ZNF503: variants seen among roughly 807,000 people sequenced by gnomAD.
The protein encoded by ZNF503 is zinc finger protein 503.
In ZNF503, 15 loss-of-function variants were observed where a neutral mutation model predicts 34.4. That is an observed-to-expected ratio of 0.44 (90% CI 0.29 to 0.67). The LOEUF is 0.67. Ranked by LOEUF, ZNF503 falls within the 30% of genes least tolerant of loss-of-function variation. The pLI is 0.13. For missense variants in ZNF503, 1,007 were observed against 926.8 expected (o/e 1.09, Z -1.12); for synonymous variants, 580 against 456.8 (o/e 1.27, Z -3.44).
chr10:75,348,584 T>C, the ZNF503 span, among the ~76,000 whole-genome samples: 1 of 140,902 alleles, frequency 7.1e-6, no homozygotes, highest in African/African-American at 2.7e-5. Context: ...CAATCTCAGC[T>C]CACTGCAAGC....
At chr10:75,320,775 TA>T in the ZNF503 span, among the ~76,000 whole-genome samples, 2 of 152,240 alleles carry the variant, frequency 1.3e-5, no homozygotes, top group Non-Finnish European at 2.9e-5. Context: ...GAAAATCAAT[TA>T]ATCAATGTGA....
chr10:75,298,477 A>G, the ZNF503 span, among the ~76,000 whole-genome samples: 20 of 152,210 alleles, frequency 1.3e-4, no homozygotes, highest in African/African-American at 4.8e-4. Context: ...GGCTTCTTTC[A>G]CTCAGTATAA....
chr10:75,294,702 G>C, the ZNF503 span, among the ~76,000 whole-genome samples: 1 of 150,550 alleles, frequency 6.6e-6, no homozygotes, highest in Non-Finnish European at 1.5e-5. Context: ...AGCGGAGCGG[G>C]GAAGGAAGAG....
the ZNF503 span, among the ~76,000 whole-genome samples, chr10:75,347,368 T>C: frequency 7.0e-6 from 1 of 143,714 alleles, no homozygotes; most frequent in African/African-American, 2.7e-5. Context: ...TAATCCCACA[T>C]CCATCTGGGC....
the ZNF503 span, among the ~76,000 whole-genome samples, chr10:75,292,566 G>A: frequency 3.9e-5 from 6 of 152,174 alleles, no homozygotes; most frequent in African/African-American, 1.2e-4. Context: ...ATCTCTTTTG[G>A]AATCAATATA....
chr10:75,291,554 T>C, the ZNF503 span, among the ~76,000 whole-genome samples: 1 of 152,130 alleles, frequency 6.6e-6, no homozygotes, highest in East Asian at 1.9e-4. Context: ...GAGGCTGCAG[T>C]GAGCTGTGAC....
rs762984909 is a variant in ZNF503 at position 75,400,033 on chromosome 10, G to C, written c.657C>G (p.Cys219Trp). 3 of 1,600,140 alleles carry C rather than the reference G, an allele frequency of 1.9e-6. No homozygotes were observed. Among genetic ancestry groups the C allele is most frequent in the Non-Finnish European group, 2.5e-6 (3 of 1,176,834 alleles). The change falls in exon 2 of 2, where the codon TGC (cysteine) becomes TGG (tryptophan). Residue 219 changes from cysteine (C) to tryptophan (W), a missense_variant. Physicochemically the swap from Cys to Trp is radical, Grantham distance 215 (BLOSUM62 -2). Transcript: ENST00000372524. ...KSGFRVPSAT[C>W]QPFTPRTGSP... Reference sequence around the variant, plus strand: ...TGCCTGTCCTGGGCGTGAATGGCTGGCAGGTGGCGCTCGGTACCCGGAATC... The same window carrying C: ...TGCCTGTCCTGGGCGTGAATGGCTGCCAGGTGGCGCTCGGTACCCGGAATC...
chr10:75,362,387 G>T, the ZNF503 span, among the ~76,000 whole-genome samples: 5 of 152,202 alleles, frequency 3.3e-5, no homozygotes, highest in South Asian at 6.2e-4. Context: ...TTGTCCAAAA[G>T]GTTTGTGTGT....
the ZNF503 span, among the ~76,000 whole-genome samples, chr10:75,341,803 T>C: frequency 6.6e-6 from 1 of 152,190 alleles, no homozygotes; most frequent in African/African-American, 2.4e-5. Flanking sequence ...TGATTTCAAT[T>C]ACTAAGTTTG....
the ZNF503 span, among the ~76,000 whole-genome samples, chr10:75,349,234 C>T: frequency 3.0e-4 from 46 of 152,308 alleles, no homozygotes; most frequent in South Asian, 6.2e-4. Context: ...ATCCAATCTT[C>T]GGACACACTT....
At chr10:75,348,070 T>C in the ZNF503 span, among the ~76,000 whole-genome samples, 1 of 151,880 alleles carries the variant, frequency 6.6e-6, no homozygotes, top group Non-Finnish European at 1.5e-5. Context: ...CTTTTCTTTT[T>C]TTTGTTTTTT....
chr10:75,334,492 T>C, the ZNF503 span, among the ~76,000 whole-genome samples: 4 of 152,224 alleles, frequency 2.6e-5, no homozygotes, highest in African/African-American at 9.6e-5. Context: ...ACATTGTGGA[T>C]AAGAAATTAT....
chr10:75,348,804 A>G, the ZNF503 span, among the ~76,000 whole-genome samples: 1 of 151,980 alleles, frequency 6.6e-6, no homozygotes, highest in Non-Finnish European at 1.5e-5. Flanking sequence ...GAGCCACCGC[A>G]CCCGGCCGCC....
chr10:75,370,495 T>A, the ZNF503 span, among the ~76,000 whole-genome samples: 1 of 152,032 alleles, frequency 6.6e-6, no homozygotes, highest in African/African-American at 2.4e-5. Context: ...ATTTAAAAAT[T>A]CCCAGCCGGG....
the ZNF503 span, among the ~76,000 whole-genome samples, chr10:75,291,308 T>C: frequency 6.6e-6 from 1 of 152,196 alleles, no homozygotes; most frequent in Non-Finnish European, 1.5e-5. Flanking sequence ...TTTAATTTTA[T>C]TTTTTAAAGA....
chr10:75,312,980 G>A, the ZNF503 span, among the ~76,000 whole-genome samples: 1 of 152,176 alleles, frequency 6.6e-6, no homozygotes, highest in Non-Finnish European at 1.5e-5. Context: ...CTGCACATAT[G>A]CTCTTGCCTG....
chr10:75,318,542 G>A, the ZNF503 span, among the ~76,000 whole-genome samples: 2,205 of 151,994 alleles, frequency 0.015, 26 homozygotes, highest in South Asian at 0.06. Context: ...GGTGGTGCAT[G>A]CCTGTAGTAC....
At chr10:75,401,019 C>A in intron 1 of ZNF503, 86 bp downstream of exon 1, 5 of 1,575,326 alleles carry the variant, frequency 3.2e-6, no homozygotes, top group Non-Finnish European at 4.3e-6. Flanking sequence ...GACCCCCCCA[C>A]CTCCGCCCAG....
the ZNF503 span, among the ~76,000 whole-genome samples, chr10:75,312,919 G>A: frequency 2.0e-5 from 3 of 152,204 alleles, no homozygotes; most frequent in South Asian, 6.2e-4. Flanking sequence ...CTGTTTTTGT[G>A]ATAGTGAATA....
Sources: gnomAD v4.1 joint callset for allele counts (sites outside exome capture counted in the v4.1 genomes callset) on GRCh38, gnomAD v4.1.1 for gene constraint, MANE v1.5 for transcripts, NCBI Gene and HGNC (gene_info 2026-07-23, HGNC 2026-07-21) for gene names.